Variants in PSMG2 observed in about 807,000 individuals in gnomAD.
The protein encoded by PSMG2 is CD40 ligand-activated specific transcript 3.
Under a neutral mutation model 31.5 loss-of-function variants are expected in PSMG2, and 21 were observed. The observed-to-expected ratio is 0.67, with a 90% CI of 0.47 to 0.96. PSMG2 has a LOEUF of 0.96. PSMG2 is among the 40% of genes least tolerant of loss of function. The pLI is 0.00. For synonymous variants in PSMG2, 120 were observed against 110.4 expected (o/e 1.09, Z -0.54); for missense variants, 318 against 321.2 (o/e 0.99, Z 0.08).
Position 12,680,901 on chromosome 18 carries a change from A to C in PSMG2, c.-37+22128A>C, listed in dbSNP as rs141457376. The C allele has an allele frequency of 3.1e-4, 414 of 1,335,820 alleles. 1 individual carries two copies. In the African/African-American group the frequency reaches 5.3e-3, roughly 17 times the overall value. 82.7% of individuals were successfully genotyped at this position (1,335,820 alleles called of 1,614,324 possible). A position where few individuals can be genotyped will look rare whatever the true frequency, so the allele number is the denominator to read the frequency against. ...TCATTACATACTTAAATACTAAATT[A>C]TAATAAAAATTTATTGGCTGGGCAC... On this transcript the variant is annotated intron_variant, in intron 1 of 6. Transcript: ENST00000585331.
intron 1 of PSMG2, chr18:12,677,961 T>G: frequency 1.7e-6 from 1 of 604,762 alleles, no homozygotes; most frequent in Non-Finnish European, 2.9e-6. Flanking sequence ...TCTCATGACT[T>G]TCAAAATTAT....
At chr18:12,671,548 T>C (rs1218263823) in intron 1 of PSMG2, among the ~76,000 whole-genome samples, 1 of 151,958 alleles carries the variant, frequency 6.6e-6, no homozygotes, top group East Asian at 1.9e-4. Flanking sequence ...AAAAGTTGAA[T>C]TGCTACTCTT....
chr18:12,696,028 G>A (rs1362875514), intron 1 of PSMG2, among the ~76,000 whole-genome samples: 3 of 152,086 alleles, frequency 2.0e-5, no homozygotes, highest in Non-Finnish European at 4.4e-5. Flanking sequence ...ACATCAAAAC[G>A]ATTTAATGTT....
chr18:12,700,913 T>C, upstream of PSMG2: 1 of 1,495,150 alleles, frequency 6.7e-7, no homozygotes, highest in African/African-American at 1.4e-5. Flanking sequence ...TACGCATTAG[T>C]ATATACATAT....
intron 1 of PSMG2, among the ~76,000 whole-genome samples, chr18:12,694,740 C>A (rs1312783020): frequency 1.3e-5 from 2 of 148,664 alleles, no homozygotes; most frequent in Non-Finnish European, 3.0e-5. Flanking sequence ...GAGATGGAGT[C>A]TTGCTCTGTT....
chr18:12,686,475 G>A (rs768110607), intron 1 of PSMG2: 2 of 1,505,314 alleles, frequency 1.3e-6, no homozygotes, highest in African/African-American at 1.4e-5. Context: ...AAAAACATCT[G>A]TAATGACATA....
At chr18:12,689,855 T>C (rs1024065766) in intron 1 of PSMG2, among the ~76,000 whole-genome samples, 2 of 152,190 alleles carry the variant, frequency 1.3e-5, no homozygotes, top group Non-Finnish European at 2.9e-5. Flanking sequence ...AATGGCGTGA[T>C]CTTCGCTCAC....
intron 1 of PSMG2, chr18:12,678,229 A>T: frequency 6.2e-7 from 1 of 1,614,168 alleles, no homozygotes; most frequent in Non-Finnish European, 8.5e-7. Flanking sequence ...TAGCTCCAGG[A>T]GCACACACAG....
At chr18:12,691,555 A>C in intron 1 of PSMG2, 1 of 1,185,976 alleles carries the variant, frequency 8.4e-7, no homozygotes. Context: ...ATATGTAGCA[A>C]ATTTATCTAC....
At chr18:12,660,948 T>G (rs2083854478) in intron 1 of PSMG2, among the ~76,000 whole-genome samples, 2 of 152,236 alleles carry the variant, frequency 1.3e-5, no homozygotes, top group Non-Finnish European at 2.9e-5. Flanking sequence ...ACATGAACAC[T>G]TGACTCTTTT....
intron 1 of PSMG2, chr18:12,678,103 A>G (rs770120941): frequency 5.6e-6 from 9 of 1,601,234 alleles, no homozygotes; most frequent in Non-Finnish European, 7.7e-6. Context: ...TTTCAGTGTG[A>G]ATTACCTTCC....
intron 1 of PSMG2, among the ~76,000 whole-genome samples, chr18:12,664,696 A>ATTTTTTTTT (rs1277697796): frequency 6.8e-6 from 1 of 146,338 alleles, no homozygotes; most frequent in African/African-American, 2.5e-5. Flanking sequence ...ATTTGTCCTG[A>ATTTTTTTTT]TCTTTTTTTT....
chr18:12,700,895 AGTAGT>A, upstream of PSMG2: 1 of 1,355,816 alleles, frequency 7.4e-7, no homozygotes, highest in South Asian at 1.3e-5. Context: ...GAACCTTATA[AGTAGT>A]GTTACGCATT....
intron 3 of PSMG2, among the ~76,000 whole-genome samples, chr18:12,717,586 G>T (rs989786013): frequency 6.6e-5 from 10 of 152,318 alleles, no homozygotes; most frequent in Admixed American, 5.9e-4. Context: ...AAGAAAACCA[G>T]CATTTAATGA....
At chr18:12,678,628 A>G (rs949301434) in intron 1 of PSMG2, among the ~76,000 whole-genome samples, 1 of 152,120 alleles carries the variant, frequency 6.6e-6, no homozygotes, top group African/African-American at 2.4e-5. Context: ...CGTCTTTACA[A>G]TATTGAAACC....
chr18:12,696,564 T>G (rs1187640882), intron 1 of PSMG2, among the ~76,000 whole-genome samples: 5 of 152,184 alleles, frequency 3.3e-5, no homozygotes, highest in African/African-American at 1.2e-4. Flanking sequence ...TGGCAAGGTT[T>G]AACTCTGTGA....
Position 12,725,565 on chromosome 18 carries a change from A to G in PSMG2, c.*34A>G, listed in dbSNP as rs1192814113. 3.4e-6 allele frequency: 5 copies of G among 1,469,334 alleles called. No individual in the cohort carries two copies. The Middle Eastern group carries it at 5.2e-4, about 153-fold the overall frequency. The allele number at this position is 1,469,334 out of a possible 1,614,324, so 91.0% of individuals were successfully genotyped here. A position where few individuals can be genotyped will look rare whatever the true frequency, so the allele number is the denominator to read the frequency against. On this transcript the variant is annotated 3_prime_UTR_variant, in exon 7 of 7. Transcript: ENST00000317615. The stretch of plus-strand genomic sequence containing the variant: ...CTGTTTTATACCTTATACCCAAAAC[A>G]CTTACTACCAACACAGCTGTTAAAC...
chr18:12,686,344 C>A, intron 1 of PSMG2: 1 of 1,614,130 alleles, frequency 6.2e-7, no homozygotes, highest in Non-Finnish European at 8.5e-7. Context: ...TCGTTCATAA[C>A]CAAGGACATT....
intron 2 of PSMG2, among the ~76,000 whole-genome samples, chr18:12,711,556 A>AC (rs2040331350): frequency 6.6e-6 from 1 of 151,654 alleles, no homozygotes; most frequent in Non-Finnish European, 1.5e-5. Flanking sequence ...AGTTCAGCAT[A>AC]CCCCCCAGTC....
Sources: allele counts gnomAD v4.1 joint callset (sites outside exome capture counted in the v4.1 genomes callset), GRCh38; gene constraint gnomAD v4.1.1; transcripts MANE v1.5; gene names NCBI Gene and HGNC (gene_info 2026-07-23, HGNC 2026-07-21).